PLCH1: variants seen among roughly 807,000 people sequenced by gnomAD.
The protein encoded by PLCH1 is phospholipase C eta 1.
PLCH1 carries 60 observed loss-of-function variants against 126.7 expected under a neutral mutation model. That is an observed-to-expected ratio of 0.47 (90% CI 0.38 to 0.59). The LOEUF (loss-of-function observed/expected upper bound fraction) is 0.59, where lower values mean the gene tolerates loss of function less well. Ranked by LOEUF, PLCH1 falls within the 20% of genes least tolerant of loss-of-function variation. PLCH1 has a pLI of 0.00. For synonymous variants in PLCH1, 719 were observed against 734.9 expected (o/e 0.98, Z 0.35); for missense variants, 1,723 against 2,040.0 (o/e 0.84, Z 2.99).
At chr3:155,729,876 G>A (rs1259621853) in intron 1 of PLCH1, among the ~76,000 whole-genome samples, 3 of 144,290 alleles carry the variant, frequency 2.1e-5, no homozygotes, top group African/African-American at 7.9e-5. Flanking sequence ...GTGAGCAAGA[G>A]ATCATGCCAC....
chr3:155,489,044 T>G (rs1715757463), intron 19 of PLCH1, among the ~76,000 whole-genome samples: 2 of 152,238 alleles, frequency 1.3e-5, no homozygotes, highest in Non-Finnish European at 2.9e-5. Flanking sequence ...TCTATTAATC[T>G]TTGATGCCTA....
chr3:155,495,302 G>T (rs546867479), intron 15 of PLCH1, among the ~76,000 whole-genome samples: 1 of 152,238 alleles, frequency 6.6e-6, no homozygotes, highest in East Asian at 1.9e-4. Flanking sequence ...CTGCAAATTT[G>T]GGGGTCATAA....
chr3:155,701,799 A>T (rs1435293822), intron 2 of PLCH1, among the ~76,000 whole-genome samples: 1 of 152,214 alleles, frequency 6.6e-6, no homozygotes, highest in Non-Finnish European at 1.5e-5. Context: ...TCCTTAAGTC[A>T]AGTAAGTTCC....
intron 1 of PLCH1, among the ~76,000 whole-genome samples, chr3:155,714,523 T>G (rs371880521): frequency 6.6e-6 from 1 of 152,202 alleles, no homozygotes; most frequent in Non-Finnish European, 1.5e-5. Context: ...CTCCCAGCTA[T>G]GTACACAAAG....
chr3:155,605,686 C>A (rs1734265339), intron 2 of PLCH1, among the ~76,000 whole-genome samples: 1 of 152,114 alleles, frequency 6.6e-6, no homozygotes, highest in Non-Finnish European at 1.5e-5. Context: ...AAGGCTTTGC[C>A]CTTTTGCAAT....
intron 10 of PLCH1, among the ~76,000 whole-genome samples, chr3:155,535,830 A>G (rs1296960716): frequency 6.6e-6 from 1 of 152,186 alleles, no homozygotes; most frequent in African/African-American, 2.4e-5. Context: ...TAAAAGTGCT[A>G]CCTTCTGGCT....
At chr3:155,473,304 A>G (rs1485419324) in intron 21 of PLCH1, among the ~76,000 whole-genome samples, 1 of 152,082 alleles carries the variant, frequency 6.6e-6, no homozygotes, top group African/African-American at 2.4e-5. Flanking sequence ...GAGCCAAATC[A>G]TGAGTGACCT....
At chr3:155,732,339 T>G (rs1748833795) in intron 1 of PLCH1, among the ~76,000 whole-genome samples, 1 of 151,916 alleles carries the variant, frequency 6.6e-6, no homozygotes, top group Non-Finnish European at 1.5e-5. Context: ...AGACAGGTTA[T>G]TTGAAAATAT....
chr3:155,639,991 G>C (rs954044936), intron 2 of PLCH1, among the ~76,000 whole-genome samples: 3 of 152,174 alleles, frequency 2.0e-5, no homozygotes, highest in Non-Finnish European at 4.4e-5. Flanking sequence ...GTGATTGTAA[G>C]CTTTCTGAGG....
rs750014963 is a variant in PLCH1, at chr3:155,710,895, G to GA, written c.-40-6632dup. 1.2e-4 allele frequency among the ~76,000 whole-genome samples: 15 copies of GA among 128,322 alleles called. No homozygotes were observed. The East Asian group carries it at 1.3e-3, about 11-fold the overall frequency. 84.2% of individuals were successfully genotyped at this position (128,322 alleles called of 152,430 possible). On this transcript the variant is annotated intron_variant, in intron 1 of 22. Transcript: ENST00000460012. ...CATGTTTACAAACTTGAAAAGCATAGAAAAAACTAAAAAAAAAAAATGTTC... is the reference window on the plus strand; with the variant it reads ...CATGTTTACAAACTTGAAAAGCATAGAAAAAAACTAAAAAAAAAAAATGTTC...
rs116489936 is a variant in PLCH1, at chr3:155,657,292, C to T, written c.79+46854G>A. ...GCCTATGGTTGCCTCAGCTTACTGC[C>T]TGGAGAGATTTTCCAGACTATAAAA... On this transcript the variant is annotated intron_variant, in intron 2 of 22. Transcript: ENST00000460012. 5.8e-3 allele frequency among the ~76,000 whole-genome samples: 881 copies of T among 152,184 alleles called. 2 individuals carry two copies. Among genetic ancestry groups the T allele is most frequent in the Non-Finnish European group, 9.0e-3 (613 of 68,000 alleles).
chr3:155,489,484 T>C (rs1715838631), intron 19 of PLCH1, among the ~76,000 whole-genome samples: 1 of 152,202 alleles, frequency 6.6e-6, no homozygotes, highest in African/African-American at 2.4e-5. Context: ...CATTTTGTAG[T>C]TGAGAAAATT....
chr3:155,634,084 C>A (rs970605355), intron 2 of PLCH1, among the ~76,000 whole-genome samples: 1 of 152,180 alleles, frequency 6.6e-6, no homozygotes, highest in South Asian at 2.1e-4. Context: ...TTACCATCCA[C>A]GGGTGCCAAG....
chr3:155,459,625 TC>T (rs933305963), intron 21 of PLCH1, among the ~76,000 whole-genome samples: 18 of 152,058 alleles, frequency 1.2e-4, no homozygotes, highest in African/African-American at 3.6e-4. Flanking sequence ...AGACACTGAA[TC>T]CCCCAGCTGT....
At chr3:155,524,311 G>T (rs1367099427) in intron 10 of PLCH1, among the ~76,000 whole-genome samples, 1 of 152,182 alleles carries the variant, frequency 6.6e-6, no homozygotes, top group Admixed American at 6.5e-5. Context: ...AGGTAGGAGG[G>T]TATCGGGAGT....
Position 155,481,286 on chromosome 3 carries a change from A to G in PLCH1, c.4740T>C (p.Asn1580=), listed in dbSNP as rs1713996633. The G allele has an allele frequency of 6.2e-7, 1 of 1,614,146 alleles. No individual in the cohort carries two copies. The change falls in exon 23 of 23, where the codon AAT becomes AAC. Residue 1580 remains asparagine (N), a synonymous_variant. Transcript: ENST00000460012. The surrounding 1 kb of genome is among the most constrained non-coding windows in gnomAD (Gnocchi z 4.2). The part of the protein sequence containing the change: ...LSSRSQSRVR[N]IASRAKEKQE... ...GTTTCTCCTTGGCACGACTAGCAAT[A>G]TTGCGCACTCTGCTCTGACTTCTGG...
rs572626142 is a variant in PLCH1 at position 155,693,814 on chromosome 3, C to T, written c.79+10332G>A. ...GCATGGTGGTGTGCACCTGTAATCCCAGCTCCTTGAGAGGCTGAGGCAGGG... is the reference window on the plus strand; with the variant it reads ...GCATGGTGGTGTGCACCTGTAATCCTAGCTCCTTGAGAGGCTGAGGCAGGG... On this transcript the variant is annotated intron_variant, in intron 2 of 22. Coordinates refer to ENST00000460012, the MANE Select transcript of PLCH1 (RefSeq NM_014996.4). Among the ~76,000 whole-genome samples the T allele has an allele frequency of 3.5e-4, 53 of 152,150 alleles. 1 individual carries two copies. In the South Asian group the frequency reaches 0.01, roughly 30 times the overall value.
intron 2 of PLCH1, among the ~76,000 whole-genome samples, chr3:155,602,718 T>C (rs998231894): frequency 4.6e-5 from 7 of 152,134 alleles, no homozygotes; most frequent in African/African-American, 1.7e-4. Context: ...AATAAAAATA[T>C]GGTATTATAA....
intron 2 of PLCH1, among the ~76,000 whole-genome samples, chr3:155,602,061 T>C (rs1733814315): frequency 6.6e-6 from 1 of 152,174 alleles, no homozygotes; most frequent in Admixed American, 6.6e-5. Context: ...TGCTAAACTC[T>C]TCCACTGGCA....
Sources: gnomAD v4.1 joint callset for allele counts (sites outside exome capture counted in the v4.1 genomes callset) on GRCh38, gnomAD v4.1.1 for gene constraint, Gnocchi (gnomAD v3.1) non-coding constraint, MANE v1.5 for transcripts, NCBI Gene and HGNC (gene_info 2026-07-23, HGNC 2026-07-21) for gene names.